Variants in ABR observed in about 807,000 individuals in gnomAD.
The protein encoded by ABR is ABR activator of RhoGEF and GTPase.
A neutral mutation model predicts 107.2 loss-of-function variants in ABR; 35 were observed. That is an observed-to-expected ratio of 0.33 (90% CI 0.25 to 0.43). ABR has a LOEUF of 0.43. Ranked by LOEUF, ABR falls within the 20% of genes least tolerant of loss-of-function variation. The pLI is 1.00. For missense variants in ABR, 815 were observed against 1,115.2 expected (o/e 0.73, Z 3.83); for synonymous variants, 498 against 462.0 (o/e 1.08, Z -1.00).
intron 2 of ABR, among the ~76,000 whole-genome samples, chr17:1,120,173 C>A (rs9747439): frequency 0.056 from 8,483 of 152,048 alleles, 595 homozygotes; most frequent in African/African-American, 0.16. Flanking sequence ...GAAACCAACA[C>A]GTGAAAGGTT....
At chr17:1,118,510 C>T (rs78814554) in intron 2 of ABR, among the ~76,000 whole-genome samples, 8 of 12,130 alleles carry the variant, frequency 6.6e-4, no homozygotes, top group Admixed American at 2.2e-3. Context: ...GCCTGAGTTC[C>T]TCCCAGCGTT....
In ABR at chr17:1,057,950, T is replaced by C. The variant is rs1051455647; in HGVS notation, c.1381+20A>G. 3.1e-6 allele frequency: 5 copies of C among 1,608,310 alleles called. No homozygotes were observed. The highest frequency in any genetic ancestry group is 4.3e-6 in the Non-Finnish European group (5 of 1,175,008). ...ATGCCACGGACATCATTGGGGAGCG[T>C]GGAAGAGGCAGGAATTTACCCTTCT... On this transcript the variant is annotated intron_variant, in intron 12 of 22. Coordinates refer to ENST00000302538, the MANE Select transcript of ABR (RefSeq NM_021962.5).
At position 1,073,259 on chromosome 17, in the gene ABR, C is replaced by T. The variant is rs144294161; in HGVS notation, c.753+366G>A. ...TGGCTGCCCCCTCTTCTCCTGGCCACAGTCATACTCTCTCCCCAGTGTGGA... is the reference window on the plus strand; with the variant it reads ...TGGCTGCCCCCTCTTCTCCTGGCCATAGTCATACTCTCTCCCCAGTGTGGA... On this transcript the variant is annotated intron_variant, in intron 7 of 22. Transcript: ENST00000302538. Among the ~76,000 whole-genome samples the T allele has an allele frequency of 8.0e-3, 1,208 of 151,646 alleles. 21 individuals are homozygous for T. Among genetic ancestry groups the T allele is most frequent in the African/African-American group, 0.028 (1,154 of 41,264 alleles).
Position 1,154,082 on chromosome 17 carries a change from GA to G in ABR, c.61+25584del, listed in dbSNP as rs2040940975. ...GGAGGAGGTGGGCACGCAGCCCACA[GA>G]AATCTCAGCTTCCCCCAGTTCTGCT... On this transcript the variant is annotated intron_variant, in intron 1 of 22. Coordinates refer to ENST00000302538, the MANE Select transcript of ABR (RefSeq NM_021962.5). This position sits in a 1 kb window ranked among gnomAD's most constrained non-coding sequence, Gnocchi z 4.0. 6.5e-6 allele frequency: 1 copy of G among 154,080 alleles called. No individual in the cohort carries two copies. Among genetic ancestry groups the G allele is most frequent in the South Asian group, 2.0e-4 (1 of 5,082 alleles). The allele number at this position is 154,080 out of a possible 1,614,324, so 9.5% of individuals were successfully genotyped here.
Position 1,070,112 on chromosome 17 carries a change from C to T in ABR, c.895-22G>A, listed in dbSNP as rs1293120211. The T allele has an allele frequency of 6.2e-7, 1 of 1,613,010 alleles. No individual in the cohort carries two copies. The highest frequency in any genetic ancestry group is 8.5e-7 in the Non-Finnish European group (1 of 1,179,684). ...GCGTCTGAGGGAGATGGCAGACCCC[C>T]CAGCCTGCTCAGAGGGGAATGCGGC... On this transcript the variant is annotated intron_variant, in intron 8 of 22. Transcript: ENST00000302538. This position sits in a 1 kb window ranked among gnomAD's most constrained non-coding sequence, Gnocchi z 4.2.
In ABR at chr17:1,079,008, G is replaced by A. The variant is rs889796107; in HGVS notation, c.700+322C>T. The A allele has an allele frequency of 2.7e-6, 4 of 1,463,526 alleles. No homozygotes were observed. In the African/African-American group the frequency reaches 4.2e-5, roughly 15 times the overall value. The allele number at this position is 1,463,526 out of a possible 1,614,324, so 90.7% of individuals were successfully genotyped here. On this transcript the variant is annotated intron_variant, in intron 6 of 22. Coordinates refer to ENST00000302538, the MANE Select transcript of ABR (RefSeq NM_021962.5). ...CGCTCCGGAGTGCTCTTCCAGCAAG[G>A]GGGAGGGGAGGGAGGCGCGTGGCGA...
At chr17:1,086,497 A>C (rs2036599794) in intron 4 of ABR, among the ~76,000 whole-genome samples, 1 of 150,360 alleles carries the variant, frequency 6.7e-6, no homozygotes, top group Admixed American at 6.7e-5. Context: ...GTGTATACTT[A>C]TACACTTTTT....
chr17:1,203,261 G>C (rs2150722371), intron 1 of ABR, among the ~76,000 whole-genome samples: 1 of 151,906 alleles, frequency 6.6e-6, no homozygotes, highest in East Asian at 1.9e-4. Flanking sequence ...AGGGGCTTCG[G>C]ATCCAGCCAG....
At position 1,072,660 on chromosome 17, in the gene ABR, T is replaced by G; in HGVS notation, c.848A>C (p.Glu283Ala). ...TGCAGTCCGGCGGGGGTCGATGTCC[T>G]CGTTGATGCTGGACAGGAAGTTCTG... ...ISQNFLSSIN[E>A]DIDPRRTAVT... The change falls in exon 8 of 23, where the codon GAG (glutamate) becomes GCG (alanine). Residue 283 changes from glutamate to alanine, a missense_variant. Glu to Ala is a moderately radical substitution (Grantham distance 107). This residue lies in a region of ABR where 385 missense variants were observed against 596.9 expected (regional missense o/e 0.64). Transcript: ENST00000302538. 1 of 1,612,720 alleles carries G rather than the reference T, an allele frequency of 6.2e-7. No individual in the cohort carries two copies. The highest frequency in any genetic ancestry group is 2.2e-5 in the East Asian group (1 of 44,812).
intron 3 of ABR, among the ~76,000 whole-genome samples, chr17:1,093,684 C>G (rs2037192043): frequency 6.6e-6 from 1 of 152,078 alleles, no homozygotes; most frequent in Non-Finnish European, 1.5e-5. Flanking sequence ...GCGCCAGCTC[C>G]CTCTGAACGA....
At chr17:1,226,684 T>TG (rs1303489885) in intron 1 of ABR, among the ~76,000 whole-genome samples, 1 of 133,418 alleles carries the variant, frequency 7.5e-6, no homozygotes, top group Non-Finnish European at 1.7e-5. Context: ...ATGCCATGTG[T>TG]TTACATGTGC....
chr17:1,209,127 G>T (rs1056737685), intron 1 of ABR, among the ~76,000 whole-genome samples: 32 of 151,392 alleles, frequency 2.1e-4, no homozygotes, highest in African/African-American at 7.8e-4. Context: ...CCTTTCTTCC[G>T]GATGGAGTTC....
intron 16 of ABR, among the ~76,000 whole-genome samples, chr17:1,043,328 C>T (rs886519632): frequency 2.6e-5 from 4 of 152,044 alleles, no homozygotes; most frequent in African/African-American, 7.2e-5. Context: ...CCACCACGCC[C>T]GGCTAATTTT....
In ABR at chr17:1,050,781, G is replaced by A. The variant is rs569506666; in HGVS notation, c.1562-147C>T. On this transcript the variant is annotated intron_variant, in intron 14 of 22. Transcript: ENST00000302538. This position sits in a 1 kb window ranked among gnomAD's most constrained non-coding sequence, Gnocchi z 4.6. Reference sequence around the variant, plus strand: ...CTTGGCTCTCTCCTCCCTGAAGCCCGGGACCATCTGGCTTCTCCCCTGCCC... The same window carrying A: ...CTTGGCTCTCTCCTCCCTGAAGCCCAGGACCATCTGGCTTCTCCCCTGCCC... 10 of 681,958 alleles carry A rather than the reference G, an allele frequency of 1.5e-5. No individual in the cohort carries two copies. Among genetic ancestry groups the A allele is most frequent in the African/African-American group, 5.3e-5 (3 of 56,908 alleles). 42.2% of individuals were successfully genotyped at this position (681,958 alleles called of 1,614,324 possible). A position where few individuals can be genotyped will look rare whatever the true frequency, so the allele number is the denominator to read the frequency against.
chr17:1,146,260 GACACACACACAC>G (rs60058475), intron 1 of ABR, among the ~76,000 whole-genome samples: 8 of 140,108 alleles, frequency 5.7e-5, no homozygotes, highest in Admixed American at 2.9e-4. Flanking sequence ...GGCACATGGA[GACACACACACAC>G]ACACACACAC....
chr17:1,127,583 CCCTCCCT>C (rs1214950992), intron 1 of ABR, among the ~76,000 whole-genome samples: 3 of 152,192 alleles, frequency 2.0e-5, no homozygotes, highest in African/African-American at 7.2e-5. Context: ...TCCCGCCGGC[CCCTCCCT>C]CCTCCCTCCT....
intron 1 of ABR, among the ~76,000 whole-genome samples, chr17:1,165,598 C>T (rs2041472246): frequency 6.6e-6 from 1 of 152,190 alleles, no homozygotes; most frequent in East Asian, 1.9e-4. Flanking sequence ...ATGGTGTGAT[C>T]TCAGCTCACT....
chr17:1,054,202 G>C (rs2032939022), intron 14 of ABR, among the ~76,000 whole-genome samples: 1 of 152,218 alleles, frequency 6.6e-6, no homozygotes. Flanking sequence ...GTGAGACTGA[G>C]AGGCTCTGAA....
intron 16 of ABR, among the ~76,000 whole-genome samples, chr17:1,026,070 G>A (rs2072169675): frequency 6.6e-6 from 1 of 152,254 alleles, no homozygotes. Flanking sequence ...CTCCCAGGGT[G>A]CTCAGGGTTT....
Sources: gnomAD v4.1 joint callset for allele counts (sites outside exome capture counted in the v4.1 genomes callset) on GRCh38, gnomAD v4.1.1 for gene constraint, gnomAD v4.1.1 regional missense constraint, Gnocchi (gnomAD v3.1) non-coding constraint, MANE v1.5 for transcripts, NCBI Gene and HGNC (gene_info 2026-07-23, HGNC 2026-07-21) for gene names.